ASB15: variants seen among roughly 807,000 people sequenced by gnomAD.
ASB15 encodes the protein ankyrin repeat and SOCS box containing 15.
A neutral mutation model predicts 58.0 loss-of-function variants in ASB15; 54 were observed. The ratio of observed to expected loss-of-function variants is 0.93; its 90% confidence interval spans 0.75 to 1.17. The LOEUF (loss-of-function observed/expected upper bound fraction) is 1.17, where lower values mean the gene tolerates loss of function less well. ASB15 is among the 50% of genes most tolerant of loss of function. The probability of loss-of-function intolerance (pLI) is 0.00; values close to 1 mark genes in which losing one functional copy is unlikely to be tolerated. For missense variants in ASB15, 680 were observed against 707.4 expected, an observed-to-expected ratio of 0.96 and a Z score of 0.44; for synonymous variants, 249 against 262.4, an observed-to-expected ratio of 0.95 and a Z score of 0.50.
chr7:123,582,870 CA>C (rs1799275174), intron 1 of ASB15, among the ~76,000 whole-genome samples: 1 of 151,906 alleles, frequency 6.6e-6, no homozygotes. Context: ...TAAATGAATG[CA>C]GTATTATTCA....
At chr7:123,602,605 A>C (rs2098366092) in intron 1 of ASB15, among the ~76,000 whole-genome samples, 1 of 152,174 alleles carries the variant, frequency 6.6e-6, no homozygotes. Flanking sequence ...TGAGATTATT[A>C]ATTTATTGTG....
chr7:123,582,381 G>A (rs1799261189), intron 1 of ASB15, among the ~76,000 whole-genome samples: 1 of 151,890 alleles, frequency 6.6e-6, no homozygotes, highest in African/African-American at 2.4e-5. Context: ...CTACCCTAGT[G>A]CACCCCAAAG....
At chr7:123,624,535 AT>A (rs1199695561) in intron 7 of ASB15, 33 bp from the exon 8 acceptor site, 11 of 1,584,518 alleles carry the variant, frequency 6.9e-6, no homozygotes, top group Admixed American at 3.4e-5. Flanking sequence ...TTGTGTTAAT[AT>A]ACTTACTGTT....
chr7:123,585,345 C>G (rs1799347259), intron 1 of ASB15, among the ~76,000 whole-genome samples: 2 of 151,454 alleles, frequency 1.3e-5, no homozygotes, highest in Admixed American at 1.3e-4. Flanking sequence ...ACTTCCTCCC[C>G]CTATTCCCTA....
rs144320147 is a variant in ASB15, at chr7:123,629,367, T to C, written c.1373T>C (p.Phe458Ser). The part of the protein sequence containing the change: ...CMHGDIFGNS[F>S]VWSEIQEEVL... The stretch of plus-strand genomic sequence containing the variant: ...CATGGTGACATCTTTGGAAATTCAT[T>C]TGTGTGGTCAGAGATACAGGAAGAG... Residue 458 changes from phenylalanine to serine, a missense_variant, in exon 10 of 12, where the codon TTT becomes TCT. By Grantham distance (155) the Phe-to-Ser change is radical. Transcript: ENST00000451215. 45 of 1,613,976 alleles carry C rather than the reference T, an allele frequency of 2.8e-5. No individual in the cohort carries two copies. In the African/African-American group the frequency reaches 5.2e-4, roughly 19 times the overall value.
intron 3 of ASB15, among the ~76,000 whole-genome samples, chr7:123,612,590 C>G (rs1800529117): frequency 6.6e-6 from 1 of 151,944 alleles, no homozygotes; most frequent in Non-Finnish European, 1.5e-5. Flanking sequence ...GGATGGGGAT[C>G]AGCTGGAGGG....
intron 1 of ASB15, among the ~76,000 whole-genome samples, chr7:123,577,198 A>G (rs941943763): frequency 6.6e-5 from 10 of 152,128 alleles, no homozygotes; most frequent in Non-Finnish European, 2.9e-5. Context: ...TATATCATTG[A>G]TATCTTCCAT....
intron 9 of ASB15, 117 bp downstream of exon 9, chr7:123,627,398 T>C (rs1434162303): frequency 4.9e-6 from 4 of 809,254 alleles, no homozygotes; most frequent in Non-Finnish European, 7.0e-6. Context: ...AGGCATAATC[T>C]TCAGGTTTTG....
chr7:123,637,124 A>G lies in ASB15; in HGVS notation c.*143A>G. ...ATAGGTTATCATGTGTTCTTATGGG[A>G]ACACCATGATTTATGTCTTTAAAGA... is the stretch of plus-strand genomic sequence containing the variant. On this transcript the variant is annotated 3_prime_UTR_variant, in exon 12 of 12. Transcript: ENST00000451215. 1.8e-6 allele frequency: 1 copy of G among 548,884 alleles called. No homozygotes were observed. The highest frequency in any genetic ancestry group is 3.3e-5 in the South Asian group (1 of 30,186). The allele number at this position is 548,884 out of a possible 1,614,324, so 34.0% of individuals were successfully genotyped here. A position where few individuals can be genotyped will look rare whatever the true frequency, so the allele number is the denominator to read the frequency against.
chr7:123,606,039 T>C (rs1454437681), intron 2 of ASB15, among the ~76,000 whole-genome samples: 2 of 152,252 alleles, frequency 1.3e-5, no homozygotes, highest in African/African-American at 2.4e-5. Flanking sequence ...ATATTATTTT[T>C]ATTGTTACTA....
chr7:123,624,407 G>A (rs1321494151), intron 7 of ASB15, 162 bp from the exon 8 acceptor site: 1 of 650,434 alleles, frequency 1.5e-6, no homozygotes, highest in African/African-American at 1.8e-5. Context: ...TATAAACTTG[G>A]GTATGAGAAA....
chr7:123,584,402 A>G (rs545627274), intron 1 of ASB15, among the ~76,000 whole-genome samples: 1 of 151,822 alleles, frequency 6.6e-6, no homozygotes, highest in Non-Finnish European at 1.5e-5. Flanking sequence ...GCGGCTAGGC[A>G]TCAGTGTTTT....
Position 123,636,040 on chromosome 7 carries a change from C to T in ASB15, c.1595-769C>T, listed in dbSNP as rs190852500. ...TTTGTTTAATCTTCAAACAACCCTACGAGATAAGTACTGTTGTTATCCTTA... is the reference window on the plus strand; with the variant it reads ...TTTGTTTAATCTTCAAACAACCCTATGAGATAAGTACTGTTGTTATCCTTA... On this transcript the variant is annotated intron_variant, in intron 11 of 11. Transcript: ENST00000451215. Among the ~76,000 whole-genome samples, 20 of 152,128 alleles carry T rather than the reference C, an allele frequency of 1.3e-4. No homozygotes were observed. The East Asian group carries it at 3.3e-3, about 25-fold the overall frequency.
chr7:123,599,286 AT>A (rs1317304117), upstream of ASB15, among the ~76,000 whole-genome samples: 1 of 152,238 alleles, frequency 6.6e-6, no homozygotes, highest in African/African-American at 2.4e-5. Flanking sequence ...CAAACAAAAA[AT>A]AATAGGATAA....
chr7:123,611,971 A>G (rs533043412), intron 3 of ASB15, among the ~76,000 whole-genome samples: 7,629 of 142,956 alleles, frequency 0.053, 270 homozygotes, highest in Non-Finnish European at 0.079. Flanking sequence ...AGTAGGAGAA[A>G]AAAAAAAAAC....
rs4621745 is a variant in ASB15, at chr7:123,635,126, G to T, written c.1595-1683G>T. ...TTAAAAATGTACTGTCAATACTATA[G>T]TGCAGGGATAGTGCACTTAGATGAT... On this transcript the variant is annotated intron_variant, in intron 11 of 11. Transcript: ENST00000451215. 2.5e-3 allele frequency among the ~76,000 whole-genome samples: 377 copies of T among 152,320 alleles called. 3 individuals carry two copies. The highest frequency in any genetic ancestry group is 8.4e-3 in the African/African-American group (350 of 41,564).
chr7:123,617,559 A>G lies in ASB15; in HGVS notation c.293-20A>G. ...AAGTGAGTATTTTCAACTTTTCAAC[A>G]TAATGCTTTCATGTCACAGCATCCT... On this transcript the variant is annotated intron_variant, in intron 6 of 11. Transcript: ENST00000451215. 6.3e-7 allele frequency: 1 copy of G among 1,589,678 alleles called. No homozygotes were observed. Among genetic ancestry groups the G allele is most frequent in the Non-Finnish European group, 8.6e-7 (1 of 1,160,850 alleles).
intron 1 of ASB15, among the ~76,000 whole-genome samples, chr7:123,595,181 A>T (rs1799660572): frequency 6.6e-6 from 1 of 152,220 alleles, no homozygotes; most frequent in Non-Finnish European, 1.5e-5. Flanking sequence ...ATCACTGTTT[A>T]AAAATAAGCC....
intron 1 of ASB15, among the ~76,000 whole-genome samples, chr7:123,584,227 A>G (rs1799313043): frequency 6.7e-6 from 1 of 149,792 alleles, no homozygotes; most frequent in Non-Finnish European, 1.5e-5. Context: ...CAGGAGGATC[A>G]CTGAAGCCCA....
Sources: allele counts gnomAD v4.1 joint callset (sites outside exome capture counted in the v4.1 genomes callset), GRCh38; gene constraint gnomAD v4.1.1; transcripts MANE v1.5; gene names NCBI Gene and HGNC (gene_info 2026-07-23, HGNC 2026-07-21).